Variants in TRAPPC9 observed in about 807,000 individuals in gnomAD.
The protein encoded by TRAPPC9 is trafficking protein particle complex subunit 9, also known as IKK2 binding protein.
TRAPPC9 carries 83 observed loss-of-function variants against 124.0 expected under a neutral mutation model. The ratio of observed to expected loss-of-function variants is 0.67; its 90% CI spans 0.56 to 0.80. TRAPPC9 has a LOEUF of 0.80. TRAPPC9 is among the 30% of genes least tolerant of loss of function. The pLI is 0.00. For missense variants in TRAPPC9, 1,302 were observed against 1,508.3 expected, an observed-to-expected ratio of 0.86 and a Z score of 2.27; for synonymous variants, 638 against 617.5, an observed-to-expected ratio of 1.03 and a Z score of -0.49.
intron 21 of TRAPPC9, among the ~76,000 whole-genome samples, chr8:139,755,690 T>A (rs1819696906): frequency 8.1e-6 from 1 of 124,200 alleles, no homozygotes. Context: ...GGAGCTAGGG[T>A]TTGGGGATGA....
At chr8:139,802,404 G>C (rs1823601754) in intron 21 of TRAPPC9, among the ~76,000 whole-genome samples, 1 of 152,144 alleles carries the variant, frequency 6.6e-6, no homozygotes, top group Non-Finnish European at 1.5e-5. Flanking sequence ...CTGAGATCCT[G>C]GCTATGGGAG....
chr8:140,122,108 C>G (rs539508199), intron 17 of TRAPPC9, among the ~76,000 whole-genome samples: 62 of 151,988 alleles, frequency 4.1e-4, no homozygotes, highest in African/African-American at 1.5e-3. Context: ...AACAGTCATG[C>G]TGGGAAACTT....
chr8:140,271,557 G>A (rs930935684), intron 15 of TRAPPC9, among the ~76,000 whole-genome samples: 1 of 152,066 alleles, frequency 6.6e-6, no homozygotes, highest in African/African-American at 2.4e-5. Flanking sequence ...TAGAGACAGA[G>A]AGAGAGAAGA....
intron 16 of TRAPPC9, among the ~76,000 whole-genome samples, chr8:140,232,000 C>T (rs1297249897): frequency 6.6e-6 from 1 of 152,128 alleles, no homozygotes; most frequent in Non-Finnish European, 1.5e-5. Flanking sequence ...TCTCGAACTC[C>T]TGACCTCAGG....
At chr8:140,365,157 C>T (rs2068072526) in intron 8 of TRAPPC9, among the ~76,000 whole-genome samples, 3 of 152,100 alleles carry the variant, frequency 2.0e-5, no homozygotes, top group South Asian at 4.2e-4. Flanking sequence ...TGAGCACTGT[C>T]CAAAGCACCT....
intron 21 of TRAPPC9, among the ~76,000 whole-genome samples, chr8:139,838,689 C>G (rs576185458): frequency 1.3e-5 from 2 of 152,314 alleles, no homozygotes; most frequent in South Asian, 2.1e-4. Context: ...ACCGAGGAGG[C>G]CTGCCAGCCT....
At chr8:140,359,958 A>C in intron 9 of TRAPPC9, 92 bp downstream of exon 9, 1 of 1,591,106 alleles carries the variant, frequency 6.3e-7, no homozygotes, top group Non-Finnish European at 8.6e-7. Flanking sequence ...CCACCCACTG[A>C]AACCCAAGCC....
intron 9 of TRAPPC9, among the ~76,000 whole-genome samples, chr8:140,319,597 G>C (rs181192489): frequency 1.7e-4 from 26 of 152,208 alleles, no homozygotes; most frequent in African/African-American, 5.8e-4. Context: ...CTACCGGATA[G>C]CTGGGACTAC....
At chr8:140,400,887 C>T (rs1214180454) in intron 6 of TRAPPC9, among the ~76,000 whole-genome samples, 1 of 152,180 alleles carries the variant, frequency 6.6e-6, no homozygotes, top group Admixed American at 6.5e-5. Flanking sequence ...ATCCTCCATG[C>T]TAGCCATTCT....
intron 11 of TRAPPC9, among the ~76,000 whole-genome samples, chr8:140,298,451 G>A (rs563943292): frequency 8.5e-5 from 13 of 152,152 alleles, no homozygotes; most frequent in Middle Eastern, 3.4e-3. Context: ...CCAAGAATTC[G>A]AGACCAGCCT....
intron 17 of TRAPPC9, among the ~76,000 whole-genome samples, chr8:140,122,239 T>C (rs1469843411): frequency 1.3e-5 from 2 of 152,098 alleles, no homozygotes; most frequent in African/African-American, 4.8e-5. Flanking sequence ...CACCAACAAC[T>C]GAAGGGAGCT....
chr8:139,735,472 C>A (rs977896662), intron 21 of TRAPPC9, among the ~76,000 whole-genome samples: 6 of 152,158 alleles, frequency 3.9e-5, no homozygotes, highest in Non-Finnish European at 7.4e-5. Context: ...TCTGTGCCAC[C>A]CAAGCCAGGC....
At chr8:140,432,197 G>GA (rs923308206) in intron 4 of TRAPPC9, among the ~76,000 whole-genome samples, 13 of 149,916 alleles carry the variant, frequency 8.7e-5, no homozygotes, top group African/African-American at 2.0e-4. Flanking sequence ...CCAGGTTGCT[G>GA]AAAAAAAAAG....
intron 17 of TRAPPC9, among the ~76,000 whole-genome samples, chr8:140,201,433 T>G (rs769863930): frequency 6.6e-6 from 1 of 152,236 alleles, no homozygotes; most frequent in Non-Finnish European, 1.5e-5. Flanking sequence ...TTCTGGATTT[T>G]TCCAAGGATA....
At chr8:140,254,137 G>A (rs1321729090) in intron 15 of TRAPPC9, among the ~76,000 whole-genome samples, 2 of 152,130 alleles carry the variant, frequency 1.3e-5, no homozygotes, top group Non-Finnish European at 2.9e-5. Context: ...CTTGACATCC[G>A]GCAAAACTGG....
chr8:140,265,363 C>T (rs2064603436), intron 15 of TRAPPC9, among the ~76,000 whole-genome samples: 1 of 152,234 alleles, frequency 6.6e-6, no homozygotes, highest in African/African-American at 2.4e-5. Context: ...AATCCACACA[C>T]ATGGGAACAG....
At chr8:140,164,832 T>TC (rs1191261338) in intron 17 of TRAPPC9, among the ~76,000 whole-genome samples, 1 of 152,042 alleles carries the variant, frequency 6.6e-6, no homozygotes. Flanking sequence ...CACCTGAATG[T>TC]CCCCCGTATA....
chr8:140,035,458 C>T (rs951626124), intron 17 of TRAPPC9, among the ~76,000 whole-genome samples: 1 of 152,226 alleles, frequency 6.6e-6, no homozygotes, highest in African/African-American at 2.4e-5. Flanking sequence ...AACTAAGTAC[C>T]TGCAGAGGGC....
chr8:140,408,517 C>A (rs1193521642), intron 5 of TRAPPC9, among the ~76,000 whole-genome samples: 1 of 152,048 alleles, frequency 6.6e-6, no homozygotes, highest in Non-Finnish European at 1.5e-5. Flanking sequence ...GAGAGAAGCA[C>A]AAAAAGGGCT....
Sources: gnomAD v4.1 joint callset for allele counts (sites outside exome capture counted in the v4.1 genomes callset) on GRCh38, gnomAD v4.1.1 for gene constraint, MANE v1.5 for transcripts, NCBI Gene and HGNC (gene_info 2026-07-23, HGNC 2026-07-21) for gene names.